The following CD44 variants were observed in gnomAD, a reference collection of about 807,000 sequenced individuals.
The protein encoded by CD44 is CD44 molecule (IN blood group), also known as CD44 antigen.
CD44 carries 49 observed loss-of-function variants against 88.8 expected under a neutral mutation model. The observed-to-expected ratio is 0.55, with a 90% CI of 0.44 to 0.70. CD44 has a LOEUF of 0.70. Among genes scored for constraint, CD44 ranks in the 30% least tolerant of loss-of-function variants. The pLI, the probability that CD44 is intolerant of heterozygous loss-of-function variation, is 0.00. For missense variants in CD44, 883 were observed against 913.8 expected, an observed-to-expected ratio of 0.97 and a Z score of 0.43; for synonymous variants, 325 against 312.3, an observed-to-expected ratio of 1.04 and a Z score of -0.43.
chr11:35,187,343 T>C lies in CD44; in HGVS notation c.436+443T>C, dbSNP rs980195361. On this transcript the variant is annotated intron_variant, in intron 4 of 17. Coordinates refer to ENST00000428726, the MANE Select transcript of CD44 (RefSeq NM_000610.4). ...GTAAGGACAGTTGGCTTTAATTCAGTGTCCCTTCCTTTTTTTCTGCAATGA... is the reference window on the plus strand; with the variant it reads ...GTAAGGACAGTTGGCTTTAATTCAGCGTCCCTTCCTTTTTTTCTGCAATGA... Among the ~76,000 whole-genome samples the C allele has an allele frequency of 3.3e-5, 5 of 152,174 alleles. No homozygotes were observed. In the South Asian group the frequency reaches 6.2e-4, roughly 19 times the overall value.
At chr11:35,205,161 G>A (rs1947709835) in intron 10 of CD44, among the ~76,000 whole-genome samples, 1 of 152,120 alleles carries the variant, frequency 6.6e-6, no homozygotes, top group Admixed American at 6.5e-5. Flanking sequence ...GTATAAAAAA[G>A]GTATCTTCTC....
chr11:35,159,069 A>G (rs574110645), intron 1 of CD44, among the ~76,000 whole-genome samples: 1 of 152,320 alleles, frequency 6.6e-6, no homozygotes, highest in Non-Finnish European at 1.5e-5. Context: ...GGCTCTTTCC[A>G]GAGGCAGTTT....
intron 1 of CD44, among the ~76,000 whole-genome samples, chr11:35,160,742 G>A (rs1379311879): frequency 6.6e-6 from 1 of 152,168 alleles, no homozygotes; most frequent in African/African-American, 2.4e-5. Flanking sequence ...TCAACCTAAT[G>A]TTCTTCCCAC....
At chr11:35,223,000 A>G in intron 17 of CD44, 1 of 985,432 alleles carries the variant, frequency 1.0e-6, no homozygotes, top group South Asian at 4.7e-5. Context: ...GTCTCTAATT[A>G]TCTGAGAAAA....
At chr11:35,200,419 T>C (rs1428944164) in intron 7 of CD44, 2 of 152,424 alleles carry the variant, frequency 1.3e-5, no homozygotes, top group Admixed American at 6.5e-5. Flanking sequence ...ACCTGTGGTG[T>C]CTTATTTTCT....
At chr11:35,153,984 G>A (rs756286519) in intron 1 of CD44, among the ~76,000 whole-genome samples, 3 of 152,182 alleles carry the variant, frequency 2.0e-5, no homozygotes, top group Non-Finnish European at 4.4e-5. Flanking sequence ...TATCATGTCT[G>A]CCCTGTAATA....
chr11:35,219,592 G>A (rs1303618546), intron 16 of CD44, among the ~76,000 whole-genome samples: 2 of 152,174 alleles, frequency 1.3e-5, no homozygotes, highest in Non-Finnish European at 2.9e-5. Flanking sequence ...TTCTTCCTGG[G>A]TTCTGCAAAC....
intron 1 of CD44, among the ~76,000 whole-genome samples, chr11:35,152,249 G>A (rs900554795): frequency 3.3e-5 from 5 of 152,138 alleles, no homozygotes; most frequent in African/African-American, 7.2e-5. Context: ...AGCTCAGGCT[G>A]GCCAGCTGGC....
chr11:35,186,135 G>T (rs1437362881), intron 3 of CD44, among the ~76,000 whole-genome samples: 2 of 152,320 alleles, frequency 1.3e-5, no homozygotes, highest in East Asian at 3.9e-4. Flanking sequence ...TAGGCCAAAG[G>T]TGGTCAACCT....
At chr11:35,145,141 A>G (rs916828971) in intron 1 of CD44, among the ~76,000 whole-genome samples, 1 of 152,254 alleles carries the variant, frequency 6.6e-6, no homozygotes, top group Non-Finnish European at 1.5e-5. Context: ...TAAAGGGGAA[A>G]ATAACCACAA....
chr11:35,194,820 G>C (rs765421849), intron 5 of CD44, among the ~76,000 whole-genome samples: 4 of 152,178 alleles, frequency 2.6e-5, no homozygotes, highest in African/African-American at 7.2e-5. Flanking sequence ...TTGAATGAAT[G>C]AATGAAATTA....
At chr11:35,203,708 TA>T (rs532371332) in intron 9 of CD44, among the ~76,000 whole-genome samples, 401 of 142,326 alleles carry the variant, frequency 2.8e-3, no homozygotes, top group Admixed American at 3.9e-3. Flanking sequence ...CTTGATAAAC[TA>T]AAAAAAAAAA....
intron 1 of CD44, among the ~76,000 whole-genome samples, chr11:35,152,872 G>A (rs1860611342): frequency 6.6e-6 from 1 of 152,226 alleles, no homozygotes; most frequent in Admixed American, 6.5e-5. Context: ...AGGGCTAGAG[G>A]TGGGAATGGG....
At chr11:35,218,574 G>A (rs1019183065) in intron 15 of CD44, among the ~76,000 whole-genome samples, 35 of 152,272 alleles carry the variant, frequency 2.3e-4, no homozygotes, top group African/African-American at 7.7e-4. Flanking sequence ...TGATCCGCCT[G>A]CTTCAGCCTC....
intron 1 of CD44, among the ~76,000 whole-genome samples, chr11:35,165,736 G>A (rs1943186407): frequency 6.6e-6 from 1 of 152,048 alleles, no homozygotes; most frequent in Non-Finnish European, 1.5e-5. Flanking sequence ...TGTGCCTGGG[G>A]GAGCTACAGG....
intron 15 of CD44, among the ~76,000 whole-genome samples, chr11:35,215,937 A>G (rs1948797807): frequency 1.3e-5 from 2 of 149,856 alleles, no homozygotes; most frequent in Admixed American, 1.3e-4. Context: ...GAGTTTATCT[A>G]GTATGAACTC....
chr11:35,223,060 C>A (rs1268526498), intron 17 of CD44: 1 of 985,148 alleles, frequency 1.0e-6, no homozygotes, highest in Admixed American at 6.1e-5. Flanking sequence ...AATAAAAGTG[C>A]CATGTTACAG....
chr11:35,225,442 A>C (rs1949631320), intron 17 of CD44, among the ~76,000 whole-genome samples: 1 of 152,142 alleles, frequency 6.6e-6, no homozygotes, highest in Non-Finnish European at 1.5e-5. Flanking sequence ...CTGTGTGCTC[A>C]GCTAATGCCT....
chr11:35,226,943 G>C (rs774917098), intron 17 of CD44, among the ~76,000 whole-genome samples: 44 of 134,884 alleles, frequency 3.3e-4, no homozygotes, highest in Non-Finnish European at 6.1e-4. Context: ...GGAGTGCGGT[G>C]ATGCAATCTC....
Sources: gnomAD v4.1 joint callset for allele counts (sites outside exome capture counted in the v4.1 genomes callset) on GRCh38, gnomAD v4.1.1 for gene constraint, MANE v1.5 for transcripts, NCBI Gene and HGNC (gene_info 2026-07-23, HGNC 2026-07-21) for gene names.